NLGN1: variants seen among roughly 807,000 people sequenced by gnomAD.
NLGN1 encodes neuroligin-1.
A neutral mutation model predicts 65.5 loss-of-function variants in NLGN1; 12 were observed. The ratio of observed to expected loss-of-function variants is 0.18; its 90% confidence interval spans 0.12 to 0.30. The LOEUF (loss-of-function observed/expected upper bound fraction) is 0.30, where lower values mean the gene tolerates loss of function less well. NLGN1 is among the 10% of genes least tolerant of loss of function. The probability of loss-of-function intolerance (pLI) is 1.00; values close to 1 mark genes in which losing one functional copy is unlikely to be tolerated. For missense variants in NLGN1, 750 were observed against 1,007.1 expected (o/e 0.74, Z 3.46); for synonymous variants, 350 against 359.5 (o/e 0.97, Z 0.30).
chr3:174,034,892 G>A (rs941842507), intron 4 of NLGN1, among the ~76,000 whole-genome samples: 2 of 152,026 alleles, frequency 1.3e-5, no homozygotes, highest in Non-Finnish European at 2.9e-5. Context: ...GACTGTGAGG[G>A]TGGATAAAAA....
chr3:174,065,602 T>C (rs1738355098), intron 4 of NLGN1, among the ~76,000 whole-genome samples: 1 of 151,902 alleles, frequency 6.6e-6, no homozygotes, highest in Non-Finnish European at 1.5e-5. Flanking sequence ...CTCCTGATAT[T>C]CTTGTTCTTG....
intron 3 of NLGN1, among the ~76,000 whole-genome samples, chr3:173,629,181 G>A (rs899614748): frequency 3.3e-5 from 5 of 151,448 alleles, no homozygotes; most frequent in African/African-American, 1.2e-4. Context: ...TCTTTGGTCA[G>A]TCTTCTAGAC....
At chr3:173,894,990 C>G (rs1025694522) in intron 4 of NLGN1, among the ~76,000 whole-genome samples, 3 of 152,180 alleles carry the variant, frequency 2.0e-5, no homozygotes, top group African/African-American at 7.2e-5. Context: ...ACAGGTATCA[C>G]TGGGCTAAAA....
chr3:173,430,542 A>G (rs1171884465), intron 1 of NLGN1, among the ~76,000 whole-genome samples: 3 of 152,230 alleles, frequency 2.0e-5, no homozygotes, highest in Non-Finnish European at 2.9e-5. Flanking sequence ...CTCTTGATTA[A>G]GGTGGTATCT....
At chr3:173,623,526 A>G (rs939852044) in intron 3 of NLGN1, among the ~76,000 whole-genome samples, 8 of 152,102 alleles carry the variant, frequency 5.3e-5, no homozygotes, top group Admixed American at 2.0e-4. Context: ...ATGTGTACCA[A>G]CAAGAGAGAA....
intron 3 of NLGN1, among the ~76,000 whole-genome samples, chr3:173,767,845 T>G (rs1779002378): frequency 6.6e-6 from 1 of 152,120 alleles, no homozygotes; most frequent in African/African-American, 2.4e-5. Flanking sequence ...TTTGTCAAAA[T>G]TCAACAATTA....
intron 1 of NLGN1, among the ~76,000 whole-genome samples, chr3:173,412,746 A>G (rs1422839267): frequency 6.6e-6 from 1 of 152,190 alleles, no homozygotes; most frequent in Non-Finnish European, 1.5e-5. Flanking sequence ...TATTCTTAGT[A>G]CTGCTCAGCC....
At chr3:174,109,507 A>G (rs1490395941) in intron 4 of NLGN1, among the ~76,000 whole-genome samples, 1 of 152,040 alleles carries the variant, frequency 6.6e-6, no homozygotes, top group African/African-American at 2.4e-5. Flanking sequence ...ATTGAACCAC[A>G]TAATTTTCAT....
At chr3:173,685,893 C>A in intron 3 of NLGN1, 1 of 755,788 alleles carries the variant, frequency 1.3e-6, no homozygotes. Flanking sequence ...ATACTTCTTT[C>A]ACTTGATTGA....
chr3:173,726,071 A>T (rs1276657337), intron 3 of NLGN1, among the ~76,000 whole-genome samples: 2 of 152,050 alleles, frequency 1.3e-5, no homozygotes, highest in Non-Finnish European at 2.9e-5. Flanking sequence ...ATAGAACATA[A>T]CTTAATCAAG....
At chr3:174,265,524 C>T (rs956059145) in intron 4 of NLGN1, among the ~76,000 whole-genome samples, 1 of 151,930 alleles carries the variant, frequency 6.6e-6, no homozygotes, top group Admixed American at 6.6e-5. Flanking sequence ...GGCAATGCCT[C>T]GCCCTGTTTC....
chr3:173,941,169 G>A lies in NLGN1; in HGVS notation c.646+133337G>A, dbSNP rs1746019260. Among the ~76,000 whole-genome samples the A allele has an allele frequency of 2.0e-5, 3 of 151,952 alleles. No homozygotes were observed. The South Asian group carries it at 6.2e-4, about 32-fold the overall frequency. ...GTTTTGCTTGCTGCTCCAATTATCC[G>A]AAGATCATAGTACAGAATCATAATT... On this transcript the variant is annotated intron_variant, in intron 4 of 6. Coordinates refer to ENST00000457714, the Ensembl canonical transcript of NLGN1.
intron 2 of NLGN1, among the ~76,000 whole-genome samples, chr3:173,591,620 C>T (rs924092012): frequency 2.6e-5 from 4 of 152,180 alleles, no homozygotes; most frequent in African/African-American, 9.7e-5. Context: ...CACCCTGGCA[C>T]AGGGCCATAC....
At chr3:174,030,390 C>T (rs1729757143) in intron 4 of NLGN1, among the ~76,000 whole-genome samples, 5 of 152,152 alleles carry the variant, frequency 3.3e-5, no homozygotes, top group Non-Finnish European at 1.5e-5. Context: ...TCCCAAAGTG[C>T]TGGGATTCCA....
intron 4 of NLGN1, among the ~76,000 whole-genome samples, chr3:174,003,477 T>G (rs1262950752): frequency 6.6e-6 from 1 of 152,164 alleles, no homozygotes; most frequent in Non-Finnish European, 1.5e-5. Context: ...GAAGCACTTT[T>G]GTAAATTATG....
intron 4 of NLGN1, among the ~76,000 whole-genome samples, chr3:174,125,805 T>C (rs1718825612): frequency 6.6e-6 from 1 of 152,066 alleles, no homozygotes; most frequent in African/African-American, 2.4e-5. Flanking sequence ...ACTTTTAAGA[T>C]TGTAGCATCC....
At chr3:173,803,106 G>C (rs983838753) in intron 3 of NLGN1, among the ~76,000 whole-genome samples, 2 of 152,054 alleles carry the variant, frequency 1.3e-5, no homozygotes, top group African/African-American at 2.4e-5. Flanking sequence ...CTCCCACAGT[G>C]CTGGGGTTAC....
chr3:173,861,542 GTGTGTGTGTGTGTGTA>G (rs1215783848), intron 4 of NLGN1, among the ~76,000 whole-genome samples: 21 of 148,040 alleles, frequency 1.4e-4, no homozygotes, highest in African/African-American at 4.5e-4. Flanking sequence ...GTGTGTGTGT[GTGTGTGTGTGTGTGTA>G]TATACACACA....
At chr3:173,521,118 C>G (rs76299954) in intron 2 of NLGN1, among the ~76,000 whole-genome samples, 28 of 151,864 alleles carry the variant, frequency 1.8e-4, no homozygotes, top group Middle Eastern at 6.8e-3. Context: ...GTATAAGATG[C>G]AAGAAATAAT....
Sources: allele counts gnomAD v4.1 joint callset (sites outside exome capture counted in the v4.1 genomes callset), GRCh38; gene constraint gnomAD v4.1.1; transcripts MANE v1.5; gene names NCBI Gene and HGNC (gene_info 2026-07-23, HGNC 2026-07-21).